Variants in LRRTM4 observed in about 807,000 individuals in gnomAD.
The protein encoded by LRRTM4 is leucine rich repeat transmembrane neuronal 4, also known as leucine-rich repeat transmembrane neuronal protein 4.
Under a neutral mutation model 47.6 loss-of-function variants are expected in LRRTM4, and 25 were observed. The observed-to-expected ratio is 0.53, with a 90% CI of 0.38 to 0.73. The LOEUF (loss-of-function observed/expected upper bound fraction) is 0.73. LRRTM4 is among the 30% of genes least tolerant of loss of function. The pLI is 0.00. For missense variants in LRRTM4, 638 were observed against 713.4 expected, an observed-to-expected ratio of 0.89 and a Z score of 1.20; for synonymous variants, 311 against 269.5, an observed-to-expected ratio of 1.15 and a Z score of -1.51.
At chr2:76,876,479 T>C (rs1452155669) in intron 3 of LRRTM4, among the ~76,000 whole-genome samples, 1 of 150,158 alleles carries the variant, frequency 6.7e-6, no homozygotes, top group East Asian at 1.9e-4. Context: ...TTTAATTTTC[T>C]TTCCCCTTGG....
intron 3 of LRRTM4, among the ~76,000 whole-genome samples, chr2:76,863,495 G>A (rs1484833962): frequency 1.3e-5 from 2 of 152,118 alleles, no homozygotes; most frequent in Non-Finnish European, 2.9e-5. Flanking sequence ...TCTAAATTCA[G>A]AGTTTAGTAA....
intron 3 of LRRTM4, among the ~76,000 whole-genome samples, chr2:77,041,907 A>T (rs1463399075): frequency 1.6e-5 from 2 of 123,954 alleles, no homozygotes. Context: ...ATGAAAACAC[A>T]AAAGACCCGG....
chr2:77,463,175 A>G (rs1365483060), intron 3 of LRRTM4, among the ~76,000 whole-genome samples: 1 of 152,062 alleles, frequency 6.6e-6, no homozygotes. Flanking sequence ...CTTCAAGGCT[A>G]CAAACCTGTA....
chr2:77,468,358 T>C (rs541338612), intron 3 of LRRTM4, among the ~76,000 whole-genome samples: 29 of 152,330 alleles, frequency 1.9e-4, no homozygotes, highest in African/African-American at 7.0e-4. Context: ...CCATTATTTA[T>C]TGAGAATTTT....
intron 3 of LRRTM4, among the ~76,000 whole-genome samples, chr2:76,953,622 G>A (rs965431423): frequency 2.6e-5 from 4 of 151,836 alleles, no homozygotes; most frequent in African/African-American, 9.7e-5. Flanking sequence ...GGGGTCCACA[G>A]AGATCAAAAG....
At chr2:76,891,253 G>A (rs908056006) in intron 3 of LRRTM4, among the ~76,000 whole-genome samples, 1 of 151,764 alleles carries the variant, frequency 6.6e-6, no homozygotes, top group African/African-American at 2.4e-5. Context: ...AATAAGAGGA[G>A]AGGTTCTCAA....
At chr2:77,042,025 G>A (rs908016353) in intron 3 of LRRTM4, among the ~76,000 whole-genome samples, 2 of 151,268 alleles carry the variant, frequency 1.3e-5, no homozygotes, top group East Asian at 2.0e-4. Context: ...CATAACAACC[G>A]AATGCAATGT....
chr2:76,809,954 GAC>G (rs1670683846), intron 3 of LRRTM4, among the ~76,000 whole-genome samples: 1 of 151,948 alleles, frequency 6.6e-6, no homozygotes, highest in Non-Finnish European at 1.5e-5. Flanking sequence ...CTCCTGCCCT[GAC>G]CAACCTATAA....
intron 3 of LRRTM4, among the ~76,000 whole-genome samples, chr2:76,970,330 G>C (rs900885703): frequency 2.0e-5 from 3 of 151,880 alleles, no homozygotes; most frequent in African/African-American, 7.2e-5. Context: ...GATCAATTTT[G>C]AAACAGTCTT....
At chr2:77,360,960 T>C (rs1386460915) in intron 3 of LRRTM4, among the ~76,000 whole-genome samples, 1 of 152,144 alleles carries the variant, frequency 6.6e-6, no homozygotes, top group African/African-American at 2.4e-5. Context: ...ACCCACCATT[T>C]ATCCCAGACT....
rs202098223 is a variant in LRRTM4 at position 77,276,378 on chromosome 2, AAGGGAGGGAAGG to A, written c.1551+241928_1551+241939del. On this transcript the variant is annotated intron_variant, in intron 3 of 3. Transcript: ENST00000409884. ...GAAGGAAGGAGAGAAGGAAGGAAGGAAGGGAGGGAAGGAGGGAGGGAGGGGAAAAGAAGGAAG... is the reference window on the plus strand; with the variant it reads ...GAAGGAAGGAGAGAAGGAAGGAAGGAAGGGAGGGAGGGGAAAAGAAGGAAG... Among the ~76,000 whole-genome samples, 1,329 of 140,800 alleles carry A rather than the reference AAGGGAGGGAAGG, an allele frequency of 9.4e-3. 24 individuals are homozygous for A. Among genetic ancestry groups the A allele is most frequent in the African/African-American group, 0.032 (1,221 of 38,722 alleles). The allele number at this position is 140,800 out of a possible 152,430, so 92.4% of individuals were successfully genotyped here.
rs1558549438 is a variant in LRRTM4 at position 77,049,133 on chromosome 2, T to TACACAC, written c.1552-300218_1552-300217insGTGTGT. On this transcript the variant is annotated intron_variant, in intron 3 of 3. Coordinates refer to ENST00000409884, the MANE Select transcript of LRRTM4 (RefSeq NM_001134745.3). ...TAATATTTCATTTTTTATATATATA[T>TACACAC]ATATATATATATATATATATATATA... 2.4e-5 allele frequency among the ~76,000 whole-genome samples: 3 copies of TACACAC among 123,768 alleles called. No individual in the cohort carries two copies. The East Asian group carries it at 6.9e-4, about 28-fold the overall frequency. The allele number at this position is 123,768 out of a possible 152,430, so 81.2% of individuals were successfully genotyped here. A position where few individuals can be genotyped will look rare whatever the true frequency, so the allele number is the denominator to read the frequency against.
At chr2:77,498,356 C>T (rs561018940) in intron 3 of LRRTM4, among the ~76,000 whole-genome samples, 1 of 151,938 alleles carries the variant, frequency 6.6e-6, no homozygotes, top group South Asian at 2.1e-4. Context: ...CTCTGCCAGA[C>T]TCCAAATTTT....
intron 3 of LRRTM4, among the ~76,000 whole-genome samples, chr2:76,873,506 G>GTGTGTGTATATATATATATA (rs367573475): frequency 2.7e-5 from 3 of 112,312 alleles, no homozygotes; most frequent in African/African-American, 9.7e-5. Flanking sequence ...ATATATGTGT[G>GTGTGTGTATATATATATATA]TATATATATA....
In LRRTM4 at chr2:77,292,875, TA is replaced by T. The variant is rs200293022; in HGVS notation, c.1551+225442del. On this transcript the variant is annotated intron_variant, in intron 3 of 3. Transcript: ENST00000409884. ...TAATAAAATTAAAAATAAAATAAAA[TA>T]AAAAATAAATAAAACACATCACTCG... Among the ~76,000 whole-genome samples, 733 of 151,056 alleles carry T rather than the reference TA, an allele frequency of 4.9e-3. 9 individuals carry two copies. Among genetic ancestry groups the T allele is most frequent in the African/African-American group, 0.017 (705 of 41,164 alleles).
In LRRTM4 at chr2:76,816,429, A is replaced by C. The variant is rs188193613; in HGVS notation, c.1552-67513T>G. On this transcript the variant is annotated intron_variant, in intron 3 of 3. Coordinates refer to ENST00000409884, the MANE Select transcript of LRRTM4 (RefSeq NM_001134745.3). Reference sequence around the variant, plus strand: ...TCTACTCAACGGAACTGAAAGTAGAAGAAGAAAATAATAGTCATGAAAGCT... The same window carrying C: ...TCTACTCAACGGAACTGAAAGTAGACGAAGAAAATAATAGTCATGAAAGCT... 8.6e-4 allele frequency among the ~76,000 whole-genome samples: 131 copies of C among 152,226 alleles called. 2 individuals are homozygous for C. Among genetic ancestry groups the C allele is most frequent in the African/African-American group, 3.1e-3 (128 of 41,570 alleles).
At chr2:77,289,513 C>T (rs1203407270) in intron 3 of LRRTM4, among the ~76,000 whole-genome samples, 1 of 151,970 alleles carries the variant, frequency 6.6e-6, no homozygotes, top group Admixed American at 6.6e-5. Flanking sequence ...TCAGAATGCA[C>T]AGTTAACAAA....
intron 3 of LRRTM4, among the ~76,000 whole-genome samples, chr2:77,289,920 G>A (rs1479327981): frequency 6.6e-6 from 1 of 151,796 alleles, no homozygotes; most frequent in East Asian, 1.9e-4. Context: ...TAATTCCTCA[G>A]GGAAAAATCA....
intron 3 of LRRTM4, among the ~76,000 whole-genome samples, chr2:77,044,687 C>T (rs1365276897): frequency 6.6e-6 from 1 of 151,168 alleles, no homozygotes; most frequent in Non-Finnish European, 1.5e-5. Flanking sequence ...ACACATATTA[C>T]AAAATATATA....
Sources: gnomAD v4.1 joint callset for allele counts (sites outside exome capture counted in the v4.1 genomes callset) on GRCh38, gnomAD v4.1.1 for gene constraint, MANE v1.5 for transcripts, NCBI Gene and HGNC (gene_info 2026-07-23, HGNC 2026-07-21) for gene names.